EPSTI1: variants seen among roughly 807,000 people sequenced by gnomAD.
The protein encoded by EPSTI1 is epithelial-stromal interaction protein 1.
A neutral mutation model predicts 49.9 loss-of-function variants in EPSTI1; 66 were observed. The observed-to-expected ratio is 1.32, with a 90% CI of 1.08 to 1.62. EPSTI1 has a LOEUF of 1.62. EPSTI1 is among the 40% of genes most tolerant of loss of function. The probability of loss-of-function intolerance (pLI) is 0.00; values close to 1 mark genes in which losing one functional copy is unlikely to be tolerated. For missense variants in EPSTI1, 394 were observed against 365.5 expected (o/e 1.08, Z -0.64); for synonymous variants, 137 against 130.7 (o/e 1.05, Z -0.33).
intron 8 of EPSTI1, among the ~76,000 whole-genome samples, chr13:42,912,217 GGA>G (rs2153416344): frequency 6.6e-6 from 1 of 152,320 alleles, no homozygotes; most frequent in African/African-American, 2.4e-5. Context: ...AGGATAAATT[GGA>G]GCTAAGTCCA....
intron 8 of EPSTI1, among the ~76,000 whole-genome samples, chr13:42,916,266 T>A (rs568996518): frequency 1.8e-5 from 1 of 56,424 alleles, no homozygotes; most frequent in African/African-American, 3.5e-5. Flanking sequence ...CAAAAAGATA[T>A]TTATTTAAAA....
At chr13:42,977,016 T>C (rs555249058) in intron 1 of EPSTI1, among the ~76,000 whole-genome samples, 2 of 152,356 alleles carry the variant, frequency 1.3e-5, no homozygotes, top group East Asian at 3.9e-4. Context: ...TGGTGCATCA[T>C]ATAACCACTC....
chr13:42,922,031 C>T lies in EPSTI1; in HGVS notation c.657+4305G>A, dbSNP rs986604837. Among the ~76,000 whole-genome samples, 12 of 152,116 alleles carry T rather than the reference C, an allele frequency of 7.9e-5. No individual in the cohort carries two copies. The highest frequency in any genetic ancestry group is 8.8e-5 in the Non-Finnish European group (6 of 68,006). On this transcript the variant is annotated intron_variant, in intron 7 of 10. Coordinates refer to ENST00000313624, the MANE Select transcript of EPSTI1 (RefSeq NM_033255.5). This position sits in a 1 kb window ranked among gnomAD's most constrained non-coding sequence, Gnocchi z 4.8. ...AAAATAAAATGTTTAAAGAGTTGTA[C>T]AGAAGATATAACCAGAGTATACCGA...
chr13:42,929,642 AG>A (rs1355926271), intron 6 of EPSTI1, among the ~76,000 whole-genome samples: 1 of 152,208 alleles, frequency 6.6e-6, no homozygotes, highest in Non-Finnish European at 1.5e-5. Flanking sequence ...ATACCAGGAC[AG>A]TGGTTACTGC....
chr13:42,890,298 T>TTC (rs2036994333), intron 10 of EPSTI1, among the ~76,000 whole-genome samples: 1 of 62,226 alleles, frequency 1.6e-5, no homozygotes, highest in East Asian at 4.0e-4. Flanking sequence ...TTTCTTTTCT[T>TTC]TTTTTTTTTT....
intron 8 of EPSTI1, among the ~76,000 whole-genome samples, chr13:42,903,792 G>A (rs768064757): frequency 1.3e-5 from 2 of 152,114 alleles, no homozygotes; most frequent in South Asian, 4.1e-4. Context: ...GGGAATAGAA[G>A]TTTTCAAAGG....
At chr13:42,958,752 G>T (rs1024713954) in intron 5 of EPSTI1, among the ~76,000 whole-genome samples, 1 of 151,180 alleles carries the variant, frequency 6.6e-6, no homozygotes, top group Non-Finnish European at 1.5e-5. Context: ...AGCCAGCAAG[G>T]ATTTTGGTAA....
intron 8 of EPSTI1, among the ~76,000 whole-genome samples, chr13:42,914,352 C>T (rs2153417001): frequency 6.6e-6 from 1 of 152,104 alleles, no homozygotes; most frequent in South Asian, 2.1e-4. Context: ...GAACTCAATA[C>T]ATGTTTGCCA....
rs113098786 is a variant in EPSTI1, at chr13:42,970,661, T to C, written c.198A>G (p.Ala66=). The C allele has an allele frequency of 6.2e-7, 1 of 1,606,610 alleles. No individual in the cohort carries two copies. The change falls in exon 2 of 11, where the codon GCA becomes GCG. Residue 66 remains alanine (A), a synonymous_variant. Transcript: ENST00000313624. ...VVHAGQRRTS[A]YTLIAPNINR... is the part of the protein sequence containing the mutation. ...TTATATTTGGTGCTATCAAGGTGTA[T>C]GCACTTGTGCTAAAAGGAAGAGAAA...
chr13:42,989,152 C>T (rs998886786), intron 1 of EPSTI1, among the ~76,000 whole-genome samples: 3 of 150,846 alleles, frequency 2.0e-5, no homozygotes, highest in Admixed American at 6.7e-5. Context: ...CAAGCCCCTG[C>T]GCCCGACCAC....
rs9594833 is a variant in EPSTI1 at position 42,922,508 on chromosome 13, G to A, written c.657+3828C>T. ...GACAGGGGACAGATGCCCCCCGGAA[G>A]CTTCAAAAGGAACCATTCCTGTTGA... is the stretch of plus-strand genomic sequence containing the variant. On this transcript the variant is annotated intron_variant, in intron 7 of 10. Coordinates refer to ENST00000313624, the MANE Select transcript of EPSTI1 (RefSeq NM_033255.5). The surrounding 1 kb of genome is among the most constrained non-coding windows in gnomAD (Gnocchi z 4.8). Among the ~76,000 whole-genome samples the A allele has an allele frequency of 1.9e-4, 29 of 151,948 alleles. No individual in the cohort carries two copies. The highest frequency in any genetic ancestry group is 2.5e-4 in the Non-Finnish European group (17 of 67,988).
At chr13:42,923,896 A>C (rs887731557) in intron 7 of EPSTI1, among the ~76,000 whole-genome samples, 1 of 152,248 alleles carries the variant, frequency 6.6e-6, no homozygotes, top group Non-Finnish European at 1.5e-5. Flanking sequence ...ACAAGAGGAA[A>C]AATCTTTTCA....
At chr13:42,967,742 G>A (rs2039659761) in intron 3 of EPSTI1, among the ~76,000 whole-genome samples, 1 of 152,196 alleles carries the variant, frequency 6.6e-6, no homozygotes, top group South Asian at 2.1e-4. Flanking sequence ...TTCCCAGGAA[G>A]AAGAACGAGC....
chr13:42,889,150 A>T, intron 10 of EPSTI1: 1 of 1,330,754 alleles, frequency 7.5e-7, no homozygotes, highest in Non-Finnish European at 1.1e-6. Context: ...AGCATCCCAA[A>T]GAGCCTCACC....
Position 42,992,077 on chromosome 13 carries a change from C to T in EPSTI1, c.89G>A (p.Arg30Gln). The change falls in exon 1 of 11, where the codon CGG (arginine) becomes CAG (glutamine). Residue 30 changes from arginine to glutamine, a missense_variant. Physicochemically the swap from Arg to Gln is conservative, Grantham distance 43. Coordinates refer to ENST00000313624, the MANE Select transcript of EPSTI1 (RefSeq NM_033255.5). Reference protein sequence around the residue: ...PTRDPQDPSGRQGELSPVEDQ... With the variant: ...PTRDPQDPSGQQGELSPVEDQ... ...TTCCACGGGGCTCAGCTCCCCTTGC[C>T]GCCCAGAAGGGTCCTGGGGATCCCG... The T allele has an allele frequency of 6.2e-7, 1 of 1,613,318 alleles. No individual in the cohort carries two copies. Among genetic ancestry groups the T allele is most frequent in the Non-Finnish European group, 8.5e-7 (1 of 1,180,008 alleles).
At chr13:42,930,925 G>C (rs973024312) in intron 6 of EPSTI1, among the ~76,000 whole-genome samples, 3 of 152,178 alleles carry the variant, frequency 2.0e-5, no homozygotes, top group African/African-American at 7.2e-5. Flanking sequence ...AAGGCCAGCT[G>C]TTCTCTAAAA....
chr13:42,952,366 A>G (rs1020667305), intron 6 of EPSTI1, among the ~76,000 whole-genome samples: 1 of 152,186 alleles, frequency 6.6e-6, no homozygotes, highest in African/African-American at 2.4e-5. Context: ...GAAGTGAGCG[A>G]GTCCAAGAGC....
chr13:42,899,670 C>T (rs1214138634), intron 9 of EPSTI1, among the ~76,000 whole-genome samples: 3 of 152,076 alleles, frequency 2.0e-5, no homozygotes, highest in African/African-American at 7.2e-5. Flanking sequence ...TCAAGTACAC[C>T]CCTAATGAAC....
At position 42,973,525 on chromosome 13, in the gene EPSTI1, T is replaced by C. The variant is rs542710515; in HGVS notation, c.189-2855A>G. Among the ~76,000 whole-genome samples the C allele has an allele frequency of 2.6e-5, 4 of 152,368 alleles. No individual in the cohort carries two copies. The South Asian group carries it at 8.3e-4, about 32-fold the overall frequency. Reference sequence around the variant, plus strand: ...TAAATGGTAAGGAACTTAGCTTCTATTTCTATTTCTTAATATAAGAAGAAG... The same window carrying C: ...TAAATGGTAAGGAACTTAGCTTCTACTTCTATTTCTTAATATAAGAAGAAG... On this transcript the variant is annotated intron_variant, in intron 1 of 10. Transcript: ENST00000313624.
Sources: allele counts gnomAD v4.1 joint callset (sites outside exome capture counted in the v4.1 genomes callset), GRCh38; gene constraint gnomAD v4.1.1; non-coding constraint Gnocchi (gnomAD v3.1); transcripts MANE v1.5; gene names NCBI Gene and HGNC (gene_info 2026-07-23, HGNC 2026-07-21).